The following SYVN1 variants were observed in gnomAD, a reference collection of about 807,000 sequenced individuals.
The protein encoded by SYVN1 is E3 ubiquitin-protein ligase synoviolin.
In SYVN1, 17 loss-of-function variants were observed where a neutral mutation model predicts 62.6. The ratio of observed to expected loss-of-function variants is 0.27; its 90% CI spans 0.19 to 0.41. The LOEUF is 0.41. SYVN1 is among the 10% of genes least tolerant of loss of function. The pLI, the probability that SYVN1 is intolerant of heterozygous loss-of-function variation, is 1.00. For synonymous variants in SYVN1, 316 were observed against 304.0 expected, an observed-to-expected ratio of 1.04 and a Z score of -0.41; for missense variants, 634 against 818.0, an observed-to-expected ratio of 0.78 and a Z score of 2.74.
rs1298260298 is a variant in SYVN1, at chr11:65,130,955, G to A, written c.906C>T (p.Ala302=). 1 of 1,613,876 alleles carries A rather than the reference G, an allele frequency of 6.2e-7. No individual in the cohort carries two copies. Among genetic ancestry groups the A allele is most frequent in the East Asian group, 2.2e-5 (1 of 44,890 alleles). The change falls in exon 10 of 16, where the codon GCC becomes GCT. Residue 302 remains alanine (A), a synonymous_variant. Transcript: ENST00000377190. ...IICREEMVTG[A]KRLPCNHIFH... ...AAATGTGGTTGCAGGGCAGTCTCTT[G>A]GCACCAGTCACCATCTCTTCTCGGC...
chr11:65,134,054 GGCGACA>G (rs1948215852), intron 1 of SYVN1, among the ~76,000 whole-genome samples: 1 of 152,254 alleles, frequency 6.6e-6, no homozygotes, highest in Non-Finnish European at 1.5e-5. Context: ...AGGCTGGGCA[GGCGACA>G]GCGCCGGTGA....
At chr11:65,133,351 CAA>C (rs1948205313) in intron 2 of SYVN1, 99 bp from the exon 3 acceptor site, 2 of 1,575,230 alleles carry the variant, frequency 1.3e-6, no homozygotes, top group Non-Finnish European at 1.7e-6. Flanking sequence ...ACAGTTTATT[CAA>C]AGTTAGGCAG....
rs1245642265 is a variant in SYVN1, at chr11:65,133,196, C to T, written c.189G>A (p.Lys63=). 6.2e-7 allele frequency: 1 copy of T among 1,614,052 alleles called. No homozygotes were observed. Among genetic ancestry groups the T allele is most frequent in the Non-Finnish European group, 8.5e-7 (1 of 1,180,020 alleles). Residue 63 remains lysine (K), a synonymous_variant, in exon 3 of 16, where the codon AAG becomes AAA. Coordinates refer to ENST00000377190, the MANE Select transcript of SYVN1 (RefSeq NM_172230.3). The part of the protein sequence containing the change: ...LVFLLGKVMG[K]VFFGQLRAAE... ...CTGCCCTCAGTTGCCCAAAGAACAC[C>T]TTGCCCATCACCTTGCCCAGAAGGA...
At chr11:65,132,522 T>A in intron 5 of SYVN1, 171 bp from the exon 6 acceptor site, 1 of 756,058 alleles carries the variant, frequency 1.3e-6, no homozygotes, top group Admixed American at 2.3e-5. Context: ...GAGGGGGAGT[T>A]GTTGGGGCTG....
At chr11:65,132,378 T>TG (rs576840181) in intron 5 of SYVN1, 27 bp from the exon 6 acceptor site, 54 of 1,534,766 alleles carry the variant, frequency 3.5e-5, no homozygotes, top group Non-Finnish European at 3.8e-5. Context: ...ACATGCAGGG[T>TG]GGGGGGGTCA....
In SYVN1 at chr11:65,133,556, C is replaced by G. The variant is rs1565350252; in HGVS notation, c.46G>C (p.Gly16Arg). 2 of 1,612,844 alleles carry G rather than the reference C, an allele frequency of 1.2e-6. No individual in the cohort carries two copies. Among genetic ancestry groups the G allele is most frequent in the Non-Finnish European group, 1.7e-6 (2 of 1,180,030 alleles). ...VMMAASLALT[G>R]AVVAHAYYLK... ...TAGTAGGCGTGAGCCACCACAGCCC[C>G]GGTCAGCGCCAGGCTGGCCGCCATC... The change falls in exon 2 of 16, where the codon GGG (glycine) becomes CGG (arginine). Residue 16 changes from glycine (G) to arginine (R), a missense_variant. Around this residue, in one of 2 missense-constraint regions of SYVN1, gnomAD observed 283 missense variants for 444.7 expected, o/e 0.64. Transcript: ENST00000377190.
At chr11:65,128,869 T>G (rs148476335) in intron 14 of SYVN1, 155 bp from the exon 15 acceptor site, 1 of 773,424 alleles carries the variant, frequency 1.3e-6, no homozygotes, top group African/African-American at 1.8e-5. Context: ...CTGAATGAAC[T>G]CAGACAGGGT....
intron 4 of SYVN1, 36 bp downstream of exon 4, chr11:65,132,886 C>T (rs371161382): frequency 2.1e-5 from 34 of 1,613,642 alleles, no homozygotes; most frequent in Non-Finnish European, 2.7e-5. Context: ...TACTCCCTGG[C>T]TTCCACCTGC....
At position 65,131,944 on chromosome 11, in the gene SYVN1, G is replaced by A. The variant is rs745772991; in HGVS notation, c.531+304C>T. On this transcript the variant is annotated intron_variant, in intron 6 of 15. Coordinates refer to ENST00000377190, the MANE Select transcript of SYVN1 (RefSeq NM_172230.3). ...CACATTCTCTCTCTGCCAGGGACAC[G>A]CCTCCAGTTGTCCATGGAACTAATC... 5.9e-5 allele frequency among the ~76,000 whole-genome samples: 9 copies of A among 152,254 alleles called. No homozygotes were observed. The South Asian group carries it at 1.7e-3, about 28-fold the overall frequency.
Position 65,129,904 on chromosome 11 carries a change from T to A in SYVN1, c.1420A>T (p.Met474Leu). 6.2e-7 allele frequency: 1 copy of A among 1,613,626 alleles called. No homozygotes were observed. Among genetic ancestry groups the A allele is most frequent in the Non-Finnish European group, 8.5e-7 (1 of 1,179,774 alleles). Residue 474 changes from methionine (M) to leucine (L), a missense_variant, in exon 14 of 16, where the codon ATG becomes TTG. By Grantham distance (15) the Met-to-Leu change is conservative (BLOSUM62 2). Coordinates refer to ENST00000377190, the MANE Select transcript of SYVN1 (RefSeq NM_172230.3). Reference protein sequence around the residue: ...PLPPPFAFPPMPVPPAGFAGL... With the variant: ...PLPPPFAFPPLPVPPAGFAGL... ...GCAAAGCCCGCAGGGGGCACAGGCA[T>A]TGGGGGGAAGGCTGGAGAGAGAGAG...
At chr11:65,131,632 A>T (rs148287612) in intron 6 of SYVN1, 36 bp from the exon 7 acceptor site, 2 of 1,607,056 alleles carry the variant, frequency 1.2e-6, no homozygotes, top group African/African-American at 2.7e-5. Context: ...ATGTAAACAC[A>T]TAGCTCCCCC....
rs1948207657 is a variant in SYVN1, at chr11:65,133,491, G to C, written c.111C>G (p.Thr37=). The change falls in exon 2 of 16, where the codon ACC becomes ACG. Residue 37 remains threonine (T), a synonymous_variant. Transcript: ENST00000377190. ...HQFYPTVVYL[T]KSSPSMAVLY... ...TCACTGCCATGCTGGGGCTGGACTT[G>C]GTCAGGTACACCACAGTGGGGTAGA... is the stretch of plus-strand genomic sequence containing the variant. 3.7e-6 allele frequency: 6 copies of C among 1,613,846 alleles called. No individual in the cohort carries two copies. In the East Asian group the frequency reaches 1.3e-4, roughly 36 times the overall value.
rs772617268 is a variant in SYVN1 at position 65,132,365 on chromosome 11, C to G, written c.428-14G>C. On this transcript the variant is annotated splice_polypyrimidine_tract_variant and intron_variant, in intron 5 of 15. Coordinates refer to ENST00000377190, the MANE Select transcript of SYVN1 (RefSeq NM_172230.3). ...GGAACATAAGAGCTGTGGGGACCCC[C>G]ACACATGCAGGGTGGGGGGGTCAGC... 6.3e-7 allele frequency: 1 copy of G among 1,592,184 alleles called. No homozygotes were observed. Among genetic ancestry groups the G allele is most frequent in the African/African-American group, 1.3e-5 (1 of 74,416 alleles).
chr11:65,133,435 C>A, intron 2 of SYVN1, 35 bp downstream of exon 2: 1 of 1,608,782 alleles, frequency 6.2e-7, no homozygotes, highest in African/African-American at 1.3e-5. Flanking sequence ...CCTTCCCTCC[C>A]AGGGAGTTCC....
Position 65,128,358 on chromosome 11 carries a change from G to C in SYVN1, c.*24C>G. 6.3e-7 allele frequency: 1 copy of C among 1,592,120 alleles called. No homozygotes were observed. Among genetic ancestry groups the C allele is most frequent in the Non-Finnish European group, 8.6e-7 (1 of 1,165,360 alleles). On this transcript the variant is annotated 3_prime_UTR_variant, in exon 16 of 16. Coordinates refer to ENST00000377190, the MANE Select transcript of SYVN1 (RefSeq NM_172230.3). Reference sequence around the variant, plus strand: ...AGCGAGGGCTGCTCAAAAGAGCAGAGGCTGGGGCTGGGCTGGGGCAGTGTC... The same window carrying C: ...AGCGAGGGCTGCTCAAAAGAGCAGACGCTGGGGCTGGGCTGGGGCAGTGTC...
In SYVN1 at chr11:65,130,960, C is replaced by T; in HGVS notation, c.901G>A (p.Gly301Ser). ...TGGTTGCAGGGCAGTCTCTTGGCAC[C>T]AGTCACCATCTCTTCTCGGCAGATG... The part of the protein sequence containing the change: ...CIICREEMVT[G>S]AKRLPCNHIF... Residue 301 changes from glycine (G) to serine (S), a missense_variant, in exon 10 of 16, where the codon GGT becomes AGT. Physicochemically the swap from Gly to Ser is moderately conservative, Grantham distance 56. This residue lies in a region of SYVN1 where 283 missense variants were observed against 444.7 expected (regional missense o/e 0.64). Transcript: ENST00000377190. The T allele has an allele frequency of 6.2e-7, 1 of 1,614,008 alleles. No homozygotes were observed.
intron 1 of SYVN1, among the ~76,000 whole-genome samples, chr11:65,134,083 G>T (rs1358276023): frequency 6.6e-6 from 1 of 152,232 alleles, no homozygotes; most frequent in Non-Finnish European, 1.5e-5. Context: ...GCTGTGTTAG[G>T]GTGGGCAGTT....
chr11:65,129,597 G>A, intron 14 of SYVN1, 132 bp downstream of exon 14: 2 of 774,536 alleles, frequency 2.6e-6, no homozygotes, highest in East Asian at 5.4e-5. Context: ...AACTCCTGGA[G>A]ACCCTTGGTG....
chr11:65,129,768 A>G lies in SYVN1; in HGVS notation c.1556T>C (p.Leu519Pro). The G allele has an allele frequency of 6.2e-7, 1 of 1,614,258 alleles. No individual in the cohort carries two copies. Among genetic ancestry groups the G allele is most frequent in the Non-Finnish European group, 8.5e-7 (1 of 1,180,046 alleles). ...CACGGTGAGGTACTGGTTGATCTGC[A>G]GCATGGCGGCGTCCAGCAGTGTGTG... Reference protein sequence around the residue: ...NIHTLLDAAMLQINQYLTVLA... With the variant: ...NIHTLLDAAMPQINQYLTVLA... Residue 519 changes from leucine (L) to proline (P), a missense_variant, in exon 14 of 16, where the codon CTG (leucine) becomes CCG (proline). By Grantham distance (98) the Leu-to-Pro change is moderately conservative. Around this residue, in one of 2 missense-constraint regions of SYVN1, gnomAD observed 351 missense variants for 373.3 expected, o/e 0.94. Transcript: ENST00000377190.
Sources: gnomAD v4.1 joint callset for allele counts (sites outside exome capture counted in the v4.1 genomes callset) on GRCh38, gnomAD v4.1.1 for gene constraint, gnomAD v4.1.1 regional missense constraint, MANE v1.5 for transcripts, NCBI Gene and HGNC (gene_info 2026-07-23, HGNC 2026-07-21) for gene names.